Variants in ACER2 observed in about 807,000 individuals in gnomAD.
The protein encoded by ACER2 is alkaline ceramidase 2.
In ACER2, 26 loss-of-function variants were observed where a neutral mutation model predicts 34.7. The observed-to-expected ratio is 0.75, with a 90% CI of 0.55 to 1.04. The LOEUF is 1.04. ACER2 is among the 50% of genes least tolerant of loss of function. The pLI is 0.00. For missense variants in ACER2, 352 were observed against 340.8 expected, an observed-to-expected ratio of 1.03 and a Z score of -0.26; for synonymous variants, 138 against 132.1, an observed-to-expected ratio of 1.04 and a Z score of -0.31.
At chr9:19,421,551 T>C (rs535202446) in intron 1 of ACER2, among the ~76,000 whole-genome samples, 1 of 152,138 alleles carries the variant, frequency 6.6e-6, no homozygotes, top group East Asian at 1.9e-4. Flanking sequence ...ATAGATAAAA[T>C]CATAAAGACA....
intron 4 of ACER2, among the ~76,000 whole-genome samples, chr9:19,435,375 A>G (rs76234381): frequency 0.031 from 4,727 of 152,256 alleles, 250 homozygotes; most frequent in African/African-American, 0.11. Context: ...AATTCTGTAG[A>G]AAAGAAAAGT....
At chr9:19,442,087 G>A (rs151323804) in intron 4 of ACER2, among the ~76,000 whole-genome samples, 593 of 152,270 alleles carry the variant, frequency 3.9e-3, no homozygotes, top group South Asian at 8.7e-3. Flanking sequence ...TAGACCATGA[G>A]AAAACAAAAG....
chr9:19,432,477 C>T (rs1460986312), intron 3 of ACER2, among the ~76,000 whole-genome samples: 1 of 151,818 alleles, frequency 6.6e-6, no homozygotes, highest in African/African-American at 2.4e-5. Context: ...AGCCATGCTC[C>T]TTCATTTACT....
intron 3 of ACER2, among the ~76,000 whole-genome samples, chr9:19,428,776 GTTTTTTTTT>G (rs10569579): frequency 2.6e-5 from 2 of 77,892 alleles, no homozygotes; most frequent in East Asian, 3.7e-4. Flanking sequence ...GGACAAGTGG[GTTTTTTTTT>G]TTTTTTTTTT....
chr9:19,422,609 G>C (rs1222927371), intron 1 of ACER2, among the ~76,000 whole-genome samples: 2 of 152,114 alleles, frequency 1.3e-5, no homozygotes, highest in Admixed American at 1.3e-4. Context: ...GCTTTGTGTA[G>C]GCACAGGGGA....
At chr9:19,414,248 A>G (rs1467581604) in intron 1 of ACER2, among the ~76,000 whole-genome samples, 1 of 152,190 alleles carries the variant, frequency 6.6e-6, no homozygotes, top group Non-Finnish European at 1.5e-5. Context: ...GTAGTTAGGA[A>G]TCAGCACACA....
chr9:19,419,986 C>G (rs981751252), intron 1 of ACER2, among the ~76,000 whole-genome samples: 2 of 152,112 alleles, frequency 1.3e-5, no homozygotes, highest in Admixed American at 6.6e-5. Flanking sequence ...CATGCTTACC[C>G]GCTCTCCTCC....
intron 3 of ACER2, 55 bp from the exon 4 acceptor site, chr9:19,434,892 C>G: frequency 2.5e-6 from 4 of 1,602,726 alleles, no homozygotes; most frequent in Non-Finnish European, 3.4e-6. Flanking sequence ...ATTAAACAAA[C>G]AAACAAACAA....
chr9:19,446,135 G>A (rs1265478474), intron 4 of ACER2, 146 bp from the exon 5 acceptor site: 1 of 1,123,192 alleles, frequency 8.9e-7, no homozygotes, highest in South Asian at 1.2e-5. Flanking sequence ...CCATGAGACT[G>A]TGGAGTGACT....
chr9:19,436,042 C>G lies in ACER2; in HGVS notation c.503+958C>G, dbSNP rs187104010. Among the ~76,000 whole-genome samples, 298 of 151,740 alleles carry G rather than the reference C, an allele frequency of 2.0e-3. 4 individuals are homozygous for G. Among genetic ancestry groups the G allele is most frequent in the Non-Finnish European group, 4.3e-4 (29 of 67,946 alleles). The stretch of plus-strand genomic sequence containing the variant: ...CCAGCCTGGGTGACAGAGCGAGACT[C>G]TATCTCAAAAAACAGAAAAAGAAGA... On this transcript the variant is annotated intron_variant, in intron 4 of 5. Coordinates refer to ENST00000340967, the MANE Select transcript of ACER2 (RefSeq NM_001010887.3).
At chr9:19,447,571 A>G (rs563311207) in intron 5 of ACER2, among the ~76,000 whole-genome samples, 1 of 152,340 alleles carries the variant, frequency 6.6e-6, no homozygotes, top group African/African-American at 2.4e-5. Context: ...TAATTTCCAG[A>G]TAACAAAATG....
intron 4 of ACER2, among the ~76,000 whole-genome samples, 167 bp downstream of exon 4, chr9:19,435,251 T>C (rs773610951): frequency 1.1e-4 from 16 of 152,198 alleles, no homozygotes; most frequent in Admixed American, 2.0e-4. Flanking sequence ...AAAATACTGG[T>C]AATCTCATTT....
At chr9:19,433,797 C>T (rs552933049) in intron 3 of ACER2, among the ~76,000 whole-genome samples, 2 of 151,278 alleles carry the variant, frequency 1.3e-5, no homozygotes, top group South Asian at 4.2e-4. Context: ...ACCCCCCCAC[C>T]TCCTTCCCGG....
rs16937523 is a variant in ACER2 at position 19,441,376 on chromosome 9, A to T, written c.504-4905A>T. On this transcript the variant is annotated intron_variant, in intron 4 of 5. Transcript: ENST00000340967. ...AGCACAGTCATTTTTCTACCAGTCG[A>T]TGTTGCAATGAAGATAAAGTTCCAA... Among the ~76,000 whole-genome samples, 1,099 of 152,144 alleles carry T rather than the reference A, an allele frequency of 7.2e-3. 21 individuals carry two copies. The highest frequency in any genetic ancestry group is 0.026 in the African/African-American group (1,064 of 41,508).
chr9:19,418,818 A>T (rs926717965), intron 1 of ACER2, among the ~76,000 whole-genome samples: 1 of 152,202 alleles, frequency 6.6e-6, no homozygotes, highest in African/African-American at 2.4e-5. Flanking sequence ...CGTTCTGCAC[A>T]TATATCCCAG....
At chr9:19,416,153 C>T (rs563763210) in intron 1 of ACER2, among the ~76,000 whole-genome samples, 1 of 150,704 alleles carries the variant, frequency 6.6e-6, no homozygotes, top group African/African-American at 2.4e-5. Flanking sequence ...CATTTTTCTT[C>T]TCCTCTTTCT....
intron 1 of ACER2, among the ~76,000 whole-genome samples, chr9:19,423,023 ACT>A (rs1198738719): frequency 2.8e-5 from 4 of 145,362 alleles, no homozygotes; most frequent in African/African-American, 7.7e-5. Flanking sequence ...TAAGAAAGAA[ACT>A]CTGTCTCAAA....
At chr9:19,441,225 AT>A (rs903003767) in intron 4 of ACER2, among the ~76,000 whole-genome samples, 3 of 151,312 alleles carry the variant, frequency 2.0e-5, no homozygotes, top group Non-Finnish European at 4.4e-5. Context: ...ACTTTTTCGT[AT>A]TTTTAGTAGA....
At chr9:19,409,248 G>T in intron 1 of ACER2, 56 bp downstream of exon 1, 1 of 1,506,148 alleles carries the variant, frequency 6.6e-7, no homozygotes, top group Non-Finnish European at 9.0e-7. Context: ...GGCTGTTCCC[G>T]CGCCGCAGCG....
Sources: gnomAD v4.1 joint callset for allele counts (sites outside exome capture counted in the v4.1 genomes callset) on GRCh38, gnomAD v4.1.1 for gene constraint, MANE v1.5 for transcripts, NCBI Gene and HGNC (gene_info 2026-07-23, HGNC 2026-07-21) for gene names.